FTO: variants seen among roughly 807,000 people sequenced by gnomAD.
FTO encodes the protein alpha-ketoglutarate-dependent dioxygenase FTO.
Under a neutral mutation model 63.9 loss-of-function variants are expected in FTO, and 47 were observed. The observed-to-expected ratio is 0.74, with a 90% confidence interval of 0.58 to 0.94. The LOEUF (loss-of-function observed/expected upper bound fraction) is 0.94. Ranked by LOEUF, FTO falls within the 40% of genes least tolerant of loss-of-function variation. FTO has a pLI of 0.00. For missense variants in FTO, 562 were observed against 618.1 expected, an observed-to-expected ratio of 0.91 and a Z score of 0.96; for synonymous variants, 207 against 224.4, an observed-to-expected ratio of 0.92 and a Z score of 0.69.
At chr16:53,936,301 G>C (rs2082388624) in intron 8 of FTO, among the ~76,000 whole-genome samples, 1 of 152,216 alleles carries the variant, frequency 6.6e-6, no homozygotes, top group African/African-American at 2.4e-5. Context: ...AAAATTTCAA[G>C]AGGCTGGTGT....
In FTO at chr16:54,018,912, C is replaced by A. The variant is rs758342988; in HGVS notation, c.1364+84803C>A. On this transcript the variant is annotated intron_variant, in intron 8 of 8. Coordinates refer to ENST00000471389, the MANE Select transcript of FTO (RefSeq NM_001080432.3). ...GGCACAGTATCAAATTGTACCCTGA[C>A]TCAAATTACTGTAAACAATGCCAGT... is the stretch of plus-strand genomic sequence containing the variant. Among the ~76,000 whole-genome samples the A allele has an allele frequency of 2.0e-5, 3 of 152,128 alleles. No individual in the cohort carries two copies. The South Asian group carries it at 6.2e-4, about 32-fold the overall frequency.
chr16:53,757,691 A>G (rs972882150), intron 1 of FTO, among the ~76,000 whole-genome samples: 1 of 152,186 alleles, frequency 6.6e-6, no homozygotes, highest in Non-Finnish European at 1.5e-5. Context: ...CTAAAGCGTT[A>G]TGATTTACCT....
At chr16:54,074,942 G>GTGTGTGTGTGTGTGTGTGTA (rs1555506077) in intron 8 of FTO, among the ~76,000 whole-genome samples, 4 of 148,590 alleles carry the variant, frequency 2.7e-5, no homozygotes, top group African/African-American at 1.0e-4. Flanking sequence ...GTGTGTGTGT[G>GTGTGTGTGTGTGTGTGTGTA]TGTGTGTGTG....
chr16:53,925,174 G>A (rs1751133365), intron 7 of FTO, among the ~76,000 whole-genome samples: 3 of 151,988 alleles, frequency 2.0e-5, no homozygotes, highest in Admixed American at 2.0e-4. Context: ...TTGATGTGAG[G>A]AAATAGCTTT....
intron 8 of FTO, chr16:54,061,608 TGTGTG>T (rs2144391092): frequency 1.2e-5 from 1 of 84,900 alleles, no homozygotes; most frequent in African/African-American, 1.4e-4. Flanking sequence ...TGTGTGTTTG[TGTGTG>T]TGTGTGTGTG....
At chr16:53,890,386 C>A (rs2081115848) in intron 7 of FTO, among the ~76,000 whole-genome samples, 1 of 152,124 alleles carries the variant, frequency 6.6e-6, no homozygotes, top group Admixed American at 6.5e-5. Context: ...CCATCACCTC[C>A]AAAAGTTTTC....
At chr16:53,706,623 TCCTGGGCTGAAGCCGTC>T (rs1476543500) in intron 1 of FTO, among the ~76,000 whole-genome samples, 1 of 152,212 alleles carries the variant, frequency 6.6e-6, no homozygotes, top group Non-Finnish European at 1.5e-5. Context: ...GGTCTGGAAC[TCCTGGGCTGAAGCCGTC>T]CTCCTGCCTC....
At chr16:54,106,233 G>T (rs1211263163) in intron 8 of FTO, among the ~76,000 whole-genome samples, 2 of 152,048 alleles carry the variant, frequency 1.3e-5, no homozygotes, top group African/African-American at 2.4e-5. Flanking sequence ...TCAGCGGGCA[G>T]TGACGCCCTT....
chr16:53,788,289 G>A lies in FTO; in HGVS notation c.46-21851G>A, dbSNP rs113994237. Among the ~76,000 whole-genome samples the A allele has an allele frequency of 7.2e-3, 1,099 of 151,888 alleles. 15 individuals are homozygous for A. The highest frequency in any genetic ancestry group is 0.025 in the African/African-American group (1,036 of 41,374). On this transcript the variant is annotated intron_variant, in intron 1 of 8. Transcript: ENST00000471389. Reference sequence around the variant, plus strand: ...TCCCCCACCTCTTTGGCTATATGCTGTTCTGCTTTTGATACAGAATTGACC... The same window carrying A: ...TCCCCCACCTCTTTGGCTATATGCTATTCTGCTTTTGATACAGAATTGACC...
intron 1 of FTO, among the ~76,000 whole-genome samples, chr16:53,739,500 C>T (rs1188904470): frequency 6.6e-6 from 1 of 152,058 alleles, no homozygotes; most frequent in Admixed American, 6.5e-5. Flanking sequence ...AGGTGTGAGC[C>T]ACTGTGCCTG....
intron 6 of FTO, among the ~76,000 whole-genome samples, chr16:53,880,222 C>G (rs1476451811): frequency 6.6e-6 from 1 of 152,080 alleles, no homozygotes; most frequent in Non-Finnish European, 1.5e-5. Flanking sequence ...GTCTCGAACT[C>G]CTGACCTCAA....
chr16:54,062,506 C>T (rs1380144545), intron 8 of FTO, among the ~76,000 whole-genome samples: 1 of 152,156 alleles, frequency 6.6e-6, no homozygotes, highest in Non-Finnish European at 1.5e-5. Context: ...TGGTGGCTTG[C>T]AGGAAGCACT....
At chr16:54,069,913 G>C (rs1179915063) in intron 8 of FTO, 1 of 152,092 alleles carries the variant, frequency 6.6e-6, no homozygotes, top group Non-Finnish European at 1.5e-5. Flanking sequence ...GATAAGCCTG[G>C]GTTTGATTAT....
chr16:53,740,500 T>C (rs1017807030), intron 1 of FTO, among the ~76,000 whole-genome samples: 1 of 152,244 alleles, frequency 6.6e-6, no homozygotes, highest in African/African-American at 2.4e-5. Flanking sequence ...GAATATTTTC[T>C]GGTTTTTCTT....
chr16:53,947,618 T>G (rs2082681483), intron 8 of FTO, among the ~76,000 whole-genome samples: 1 of 152,200 alleles, frequency 6.6e-6, no homozygotes, highest in African/African-American at 2.4e-5. Context: ...GATTTCACTG[T>G]GGACGAATGT....
intron 8 of FTO, among the ~76,000 whole-genome samples, chr16:53,953,023 G>A (rs538209966): frequency 9.2e-5 from 14 of 152,250 alleles, no homozygotes; most frequent in East Asian, 3.9e-4. Flanking sequence ...TAGAAAACCC[G>A]TCCAATGAAC....
chr16:53,779,643 A>G (rs2077540527), intron 1 of FTO, among the ~76,000 whole-genome samples: 1 of 152,206 alleles, frequency 6.6e-6, no homozygotes, highest in Non-Finnish European at 1.5e-5. Flanking sequence ...GTACCAGTGC[A>G]GTTTTGTTAC....
intron 8 of FTO, among the ~76,000 whole-genome samples, chr16:54,067,585 C>T (rs1044403273): frequency 2.0e-5 from 3 of 152,140 alleles, no homozygotes; most frequent in South Asian, 4.1e-4. Flanking sequence ...ATTAACAGTC[C>T]GTCCATATCA....
At chr16:53,893,112 C>T (rs1340378501) in intron 7 of FTO, among the ~76,000 whole-genome samples, 3 of 152,094 alleles carry the variant, frequency 2.0e-5, no homozygotes, top group Non-Finnish European at 4.4e-5. Flanking sequence ...GAATGACATT[C>T]TGATAAAATA....
Sources: allele counts gnomAD v4.1 joint callset (sites outside exome capture counted in the v4.1 genomes callset), GRCh38; gene constraint gnomAD v4.1.1; transcripts MANE v1.5; gene names NCBI Gene and HGNC (gene_info 2026-07-23, HGNC 2026-07-21).